The following ZNF730 variants were observed in gnomAD, a reference collection of about 807,000 sequenced individuals.
ZNF730 encodes zinc finger protein 730, also known as putative zinc finger protein 730.
In ZNF730, 12 loss-of-function variants were observed where a neutral mutation model predicts 12.6. That is an observed-to-expected ratio of 0.95 (90% confidence interval 0.61 to 1.54). The LOEUF (loss-of-function observed/expected upper bound fraction) is 1.54. Ranked by LOEUF, ZNF730 falls within the 40% of genes most tolerant of loss-of-function variation. The pLI, the probability that ZNF730 is intolerant of heterozygous loss-of-function variation, is 0.00. For synonymous variants in ZNF730, 194 were observed against 195.8 expected, an observed-to-expected ratio of 0.99 and a Z score of 0.08; for missense variants, 643 against 583.5, an observed-to-expected ratio of 1.10 and a Z score of -1.05.
rs758323997 is a variant in ZNF730, at chr19:23,146,594, T to G, written c.*38T>G. The G allele has an allele frequency of 1.3e-6, 2 of 1,575,036 alleles. No homozygotes were observed. The highest frequency in any genetic ancestry group is 4.5e-5 in the East Asian group (2 of 44,004). On this transcript the variant is annotated 3_prime_UTR_variant, in exon 4 of 4. Coordinates refer to ENST00000597761, the MANE Select transcript of ZNF730 (RefSeq NM_001277403.2). ...TGTGGCAAAGCTTTTAAACAATCTT[T>G]ATACCTTACTACACATAAGATAATT...
chr19:23,137,308 C>T (rs1025175831), intron 3 of ZNF730, among the ~76,000 whole-genome samples: 2 of 150,570 alleles, frequency 1.3e-5, no homozygotes, highest in Non-Finnish European at 3.0e-5. Flanking sequence ...TTTTTAGTTC[C>T]TTGGTTAAAT....
chr19:23,139,182 C>G (rs1297238066), intron 3 of ZNF730, among the ~76,000 whole-genome samples: 2 of 152,076 alleles, frequency 1.3e-5, no homozygotes, highest in South Asian at 2.1e-4. Context: ...GATTTATTCT[C>G]AAATATTTGG....
chr19:23,140,065 A>ATGTG lies in ZNF730; in HGVS notation c.226+4038_226+4041dup, dbSNP rs149378177. Among the ~76,000 whole-genome samples, 131 of 149,946 alleles carry ATGTG rather than the reference A, an allele frequency of 8.7e-4. 1 individual carries two copies. The highest frequency in any genetic ancestry group is 3.5e-3 in the Middle Eastern group (1 of 284). ...GCCATATGTTTATCACAATCAGATT[A>ATGTG]TGTGTGTGTGTGTGTGTGTATGTGT... On this transcript the variant is annotated intron_variant, in intron 3 of 3. Transcript: ENST00000597761.
chr19:23,117,075 G>C lies in ZNF730; in HGVS notation c.-99G>C, dbSNP rs1174526955. 1.3e-6 allele frequency: 2 copies of C among 1,587,486 alleles called. No homozygotes were observed. Among genetic ancestry groups the C allele is most frequent in the East Asian group, 4.5e-5 (2 of 44,590 alleles). ...GCTCCAATTTTCGTCTGTCTGCTTT[G>C]TGTCCTCTGCACGTAGAAGCCCAGC... On this transcript the variant is annotated 5_prime_UTR_variant, in exon 1 of 4. Transcript: ENST00000597761.
chr19:23,129,985 C>A (rs1970726668), intron 1 of ZNF730, among the ~76,000 whole-genome samples: 1 of 139,900 alleles, frequency 7.1e-6, no homozygotes, highest in South Asian at 2.3e-4. Context: ...TGGAGCGAGA[C>A]TCCGCCTCAA....
At chr19:23,102,067 T>G (rs1352479638) in intron 1 of ZNF730, among the ~76,000 whole-genome samples, 1 of 152,192 alleles carries the variant, frequency 6.6e-6, no homozygotes, top group East Asian at 1.9e-4. Flanking sequence ...GGGCCTTGTC[T>G]ACAGAGGGCC....
At chr19:23,094,430 G>A (rs1157680214) in intron 1 of ZNF730, among the ~76,000 whole-genome samples, 1 of 151,050 alleles carries the variant, frequency 6.6e-6, no homozygotes, top group Non-Finnish European at 1.5e-5. Context: ...TCTATAGATA[G>A]GTAGGTAGGT....
chr19:23,095,350 T>C, intron 1 of ZNF730: 1 of 398,682 alleles, frequency 2.5e-6, no homozygotes, highest in Non-Finnish European at 4.4e-6. Flanking sequence ...TTGTGACATA[T>C]TGCTGGGTCC....
upstream of ZNF730, among the ~76,000 whole-genome samples, chr19:23,112,251 T>A (rs889161617): frequency 3.9e-5 from 6 of 152,194 alleles, no homozygotes; most frequent in African/African-American, 1.4e-4. Context: ...ATAGCTTTTT[T>A]AATAAGATCA....
intron 1 of ZNF730, among the ~76,000 whole-genome samples, chr19:23,080,625 T>C (rs1313774947): frequency 6.6e-6 from 1 of 152,074 alleles, no homozygotes; most frequent in South Asian, 2.1e-4. Flanking sequence ...TCCACCTGCC[T>C]CGGCCTCCCA....
chr19:23,127,444 C>A, intron 1 of ZNF730: 1 of 1,090,700 alleles, frequency 9.2e-7, no homozygotes, highest in South Asian at 1.3e-5. Flanking sequence ...CTTCCTTTGT[C>A]ATTGACCCTT....
chr19:23,106,801 A>G (rs1039316953), intron 1 of ZNF730, among the ~76,000 whole-genome samples: 2 of 152,120 alleles, frequency 1.3e-5, no homozygotes, highest in Non-Finnish European at 2.9e-5. Context: ...CAAAAAAAAA[A>G]AAAAAAAAGG....
At chr19:23,099,101 C>T (rs1444240665) in intron 1 of ZNF730, among the ~76,000 whole-genome samples, 1 of 152,048 alleles carries the variant, frequency 6.6e-6, no homozygotes, top group African/African-American at 2.4e-5. Flanking sequence ...GGGACAGAAC[C>T]CACGGAGGAG....
At chr19:23,141,097 T>G (rs1265658086) in intron 3 of ZNF730, among the ~76,000 whole-genome samples, 3 of 151,774 alleles carry the variant, frequency 2.0e-5, no homozygotes, top group African/African-American at 7.3e-5. Flanking sequence ...ACCCCATCTT[T>G]CCAAAAAAAA....
chr19:23,096,183 G>A (rs1473943517), intron 1 of ZNF730, among the ~76,000 whole-genome samples: 2 of 151,938 alleles, frequency 1.3e-5, no homozygotes, highest in African/African-American at 4.8e-5. Context: ...CTTTGTTTGG[G>A]CCCTCTTCTC....
At chr19:23,136,471 C>G (rs1427935446) in intron 3 of ZNF730, among the ~76,000 whole-genome samples, 1 of 152,064 alleles carries the variant, frequency 6.6e-6, no homozygotes, top group African/African-American at 2.4e-5. Flanking sequence ...GTGGTGCGAT[C>G]TCGGCTCACT....
intron 3 of ZNF730, among the ~76,000 whole-genome samples, chr19:23,141,027 C>T (rs976402738): frequency 3.9e-5 from 6 of 152,012 alleles, no homozygotes; most frequent in Non-Finnish European, 5.9e-5. Context: ...TATTAGGAGG[C>T]TAAGGCAAAA....
At chr19:23,116,573 C>CTTTTTTTTTTTT (rs5827552), upstream of ZNF730, among the ~76,000 whole-genome samples, 39 of 86,914 alleles carry the variant, frequency 4.5e-4, no homozygotes, top group African/African-American at 1.2e-3. Flanking sequence ...CTCCCAGCTA[C>CTTTTTTTTTTTT]TTTTTTTTTT....
intron 1 of ZNF730, among the ~76,000 whole-genome samples, chr19:23,095,788 T>G (rs182952238): frequency 1.3e-5 from 2 of 152,192 alleles, no homozygotes; most frequent in East Asian, 3.9e-4. Context: ...GATTGTGACA[T>G]ACTTTGCACC....
Sources: gnomAD v4.1 joint callset for allele counts (sites outside exome capture counted in the v4.1 genomes callset) on GRCh38, gnomAD v4.1.1 for gene constraint, MANE v1.5 for transcripts, NCBI Gene and HGNC (gene_info 2026-07-23, HGNC 2026-07-21) for gene names.